Variants in HTR7 observed in about 807,000 individuals in gnomAD.
HTR7 encodes 5-HT-7.
A neutral mutation model predicts 34.0 loss-of-function variants in HTR7; 16 were observed. That is an observed-to-expected ratio of 0.47 (90% CI 0.32 to 0.71). The LOEUF is 0.71. HTR7 is among the 30% of genes least tolerant of loss of function. The probability of loss-of-function intolerance (pLI) is 0.04; values close to 1 mark genes in which losing one functional copy is unlikely to be tolerated. For synonymous variants in HTR7, 265 were observed against 260.2 expected (o/e 1.02, Z -0.18); for missense variants, 504 against 625.5 (o/e 0.81, Z 2.07).
At chr10:90,821,714 G>C (rs1845984175) in intron 1 of HTR7, among the ~76,000 whole-genome samples, 1 of 152,148 alleles carries the variant, frequency 6.6e-6, no homozygotes, top group Non-Finnish European at 1.5e-5. Context: ...ATCTCATGTT[G>C]AATTGTAATC....
intron 1 of HTR7, among the ~76,000 whole-genome samples, chr10:90,799,428 T>C (rs1316557022): frequency 6.6e-6 from 1 of 152,178 alleles, no homozygotes; most frequent in Admixed American, 6.5e-5. Flanking sequence ...TGAGAGCCAA[T>C]GCTCCTGAGA....
At chr10:90,821,246 A>G (rs1845976211) in intron 1 of HTR7, among the ~76,000 whole-genome samples, 1 of 152,110 alleles carries the variant, frequency 6.6e-6, no homozygotes, top group Non-Finnish European at 1.5e-5. Flanking sequence ...GAGGGTAGGA[A>G]AGACAATCTT....
Position 90,748,874 on chromosome 10 carries a change from C to T in HTR7, c.1260G>A (p.Lys420=). The T allele has an allele frequency of 6.2e-7, 1 of 1,614,092 alleles. No individual in the cohort carries two copies. The highest frequency in any genetic ancestry group is 1.1e-5 in the South Asian group (1 of 91,068). The change falls in exon 2 of 4, where the codon AAG becomes AAA. Residue 420 remains lysine (K), a synonymous_variant. Transcript: ENST00000336152. ...LSAAGMHEAL[K]LAERPERPEF... ...CAGGTCTCTCTGGCCTCTCAGCAAGCTTCAGGGCTTCATGCATGCCTGCAG... is the reference window on the plus strand; with the variant it reads ...CAGGTCTCTCTGGCCTCTCAGCAAGTTTCAGGGCTTCATGCATGCCTGCAG...
intron 1 of HTR7, among the ~76,000 whole-genome samples, chr10:90,779,497 C>T (rs1845272846): frequency 6.6e-6 from 1 of 152,186 alleles, no homozygotes; most frequent in Non-Finnish European, 1.5e-5. Flanking sequence ...TCCAAAGAAG[C>T]TAGGTTATGG....
At chr10:90,836,073 G>C (rs1207295091) in intron 1 of HTR7, among the ~76,000 whole-genome samples, 1 of 152,032 alleles carries the variant, frequency 6.6e-6, no homozygotes, top group African/African-American at 2.4e-5. Flanking sequence ...CTTCCCGACC[G>C]ACCTACTGAT....
intron 1 of HTR7, among the ~76,000 whole-genome samples, chr10:90,838,939 T>C (rs1374774106): frequency 6.6e-6 from 1 of 152,214 alleles, no homozygotes; most frequent in Non-Finnish European, 1.5e-5. Flanking sequence ...CTTATCTACC[T>C]GTTTATTCTT....
At chr10:90,840,617 C>A (rs903309014) in intron 1 of HTR7, among the ~76,000 whole-genome samples, 1 of 152,160 alleles carries the variant, frequency 6.6e-6, no homozygotes, top group Non-Finnish European at 1.5e-5. Flanking sequence ...TCTTAGAGAC[C>A]TGACTCCTCT....
intron 1 of HTR7, among the ~76,000 whole-genome samples, chr10:90,794,635 G>A (rs1274893740): frequency 6.6e-6 from 1 of 151,736 alleles, no homozygotes; most frequent in Admixed American, 6.6e-5. Context: ...CAAGTAACTG[G>A]GACTAAAGGT....
At chr10:90,752,785 G>A (rs1844761673) in intron 1 of HTR7, among the ~76,000 whole-genome samples, 1 of 152,040 alleles carries the variant, frequency 6.6e-6, no homozygotes, top group South Asian at 2.1e-4. Flanking sequence ...TCTCACAACT[G>A]GCCAGCAATT....
intron 1 of HTR7, among the ~76,000 whole-genome samples, chr10:90,846,854 A>G (rs1476587337): frequency 6.6e-6 from 1 of 152,126 alleles, no homozygotes; most frequent in Non-Finnish European, 1.5e-5. Context: ...GAGGACGGAG[A>G]TTGGGGTAGG....
chr10:90,783,648 T>G (rs1385268946), intron 1 of HTR7, among the ~76,000 whole-genome samples: 1 of 152,228 alleles, frequency 6.6e-6, no homozygotes, highest in African/African-American at 2.4e-5. Context: ...CTTTTTAGAA[T>G]ATTTGATCCA....
intron 1 of HTR7, among the ~76,000 whole-genome samples, chr10:90,778,968 C>G (rs955793317): frequency 6.6e-6 from 1 of 152,210 alleles, no homozygotes; most frequent in African/African-American, 2.4e-5. Context: ...TAACCCCCAG[C>G]TGGTGTACCC....
At chr10:90,791,674 A>G (rs1845462335) in intron 1 of HTR7, among the ~76,000 whole-genome samples, 1 of 152,138 alleles carries the variant, frequency 6.6e-6, no homozygotes, top group Non-Finnish European at 1.5e-5. Context: ...CCAGAGAAGA[A>G]TTTTTAAGGT....
chr10:90,812,325 G>A (rs1304349627), intron 1 of HTR7, among the ~76,000 whole-genome samples: 2 of 151,894 alleles, frequency 1.3e-5, no homozygotes, highest in Non-Finnish European at 2.9e-5. Flanking sequence ...TTACACTGCC[G>A]GTTTACACTG....
intron 1 of HTR7, among the ~76,000 whole-genome samples, chr10:90,756,149 C>T (rs112502649): frequency 1.2e-3 from 188 of 152,302 alleles, no homozygotes; most frequent in East Asian, 8.3e-3. Context: ...CCAGGCAAAA[C>T]TAGCTGCTGG....
intron 1 of HTR7, among the ~76,000 whole-genome samples, chr10:90,779,517 A>G (rs1269593353): frequency 6.6e-6 from 1 of 152,158 alleles, no homozygotes; most frequent in African/African-American, 2.4e-5. Flanking sequence ...GGCTGGTCAC[A>G]AACAACTCCA....
chr10:90,826,995 A>C (rs1201815999), intron 1 of HTR7, among the ~76,000 whole-genome samples: 3 of 151,844 alleles, frequency 2.0e-5, no homozygotes, highest in Admixed American at 2.0e-4. Flanking sequence ...CTGGGCTATA[A>C]ATTATTATTT....
intron 1 of HTR7, among the ~76,000 whole-genome samples, chr10:90,789,957 ATTCAT>A (rs1173051082): frequency 5.9e-5 from 9 of 152,168 alleles, no homozygotes; most frequent in Non-Finnish European, 4.4e-5. Flanking sequence ...ATAAAGATTC[ATTCAT>A]TTCATTATTT....
At chr10:90,812,490 AC>A (rs1159913907) in intron 1 of HTR7, among the ~76,000 whole-genome samples, 2 of 152,084 alleles carry the variant, frequency 1.3e-5, no homozygotes, top group African/African-American at 4.8e-5. Flanking sequence ...CAATTCTTAG[AC>A]CTTTTATACC....
Sources: allele counts gnomAD v4.1 joint callset (sites outside exome capture counted in the v4.1 genomes callset), GRCh38; gene constraint gnomAD v4.1.1; transcripts MANE v1.5; gene names NCBI Gene and HGNC (gene_info 2026-07-23, HGNC 2026-07-21).